SPON1: variants seen among roughly 807,000 people sequenced by gnomAD.
SPON1 encodes spondin-1.
Under a neutral mutation model 111.7 loss-of-function variants are expected in SPON1, and 52 were observed. That is an observed-to-expected ratio of 0.47 (90% confidence interval 0.37 to 0.59). The LOEUF is 0.59. Ranked by LOEUF, SPON1 falls within the 20% of genes least tolerant of loss-of-function variation. The pLI is 0.00. For missense variants in SPON1, 957 were observed against 1,068.5 expected, an observed-to-expected ratio of 0.90 and a Z score of 1.46; for synonymous variants, 410 against 395.8, an observed-to-expected ratio of 1.04 and a Z score of -0.43.
Position 14,255,548 on chromosome 11 carries a change from T to G in SPON1, c.1093-99T>G, listed in dbSNP as rs1222853584. 2.6e-5 allele frequency: 28 copies of G among 1,089,248 alleles called. No individual in the cohort carries two copies. In the Middle Eastern group the frequency reaches 8.4e-4, roughly 33 times the overall value. 67.5% of individuals were successfully genotyped at this position (1,089,248 alleles called of 1,614,324 possible). A position where few individuals can be genotyped will look rare whatever the true frequency, so the allele number is the denominator to read the frequency against. The stretch of plus-strand genomic sequence containing the variant: ...ATAAATAGTAGTTATGCTTGTTAAA[T>G]TCCTATCAAGGACTTTGCTCTGATC... On this transcript the variant is annotated intron_variant, in intron 8 of 15. Coordinates refer to ENST00000576479, the MANE Select transcript of SPON1 (RefSeq NM_006108.4).
rs1442462965 is a variant in SPON1 at position 14,013,073 on chromosome 11, CAT to C, written c.346-28447_346-28446del. ...CTCATCTTCTAAATGTAATTTCACA[CAT>C]GTTACTAAATCACTTTGCTTCAGCC... On this transcript the variant is annotated intron_variant, in intron 2 of 15. Coordinates refer to ENST00000576479, the MANE Select transcript of SPON1 (RefSeq NM_006108.4). Among the ~76,000 whole-genome samples, 12 of 152,302 alleles carry C rather than the reference CAT, an allele frequency of 7.9e-5. No homozygotes were observed. In the South Asian group the frequency reaches 2.1e-3, roughly 26 times the overall value.
intron 7 of SPON1, among the ~76,000 whole-genome samples, chr11:14,248,222 A>T (rs911012707): frequency 4.6e-5 from 7 of 152,176 alleles, no homozygotes; most frequent in Admixed American, 1.3e-4. Context: ...CTGCTGAGTG[A>T]TGAGGGGGAA....
chr11:14,142,934 C>G (rs1404839785), intron 6 of SPON1, among the ~76,000 whole-genome samples: 3 of 152,162 alleles, frequency 2.0e-5, no homozygotes, highest in Non-Finnish European at 2.9e-5. Context: ...TCCACACTGC[C>G]CCCAGTGTCA....
In SPON1 at chr11:14,153,262, G is replaced by A. The variant is rs73424165; in HGVS notation, c.825+17694G>A. Among the ~76,000 whole-genome samples, 1,280 of 152,214 alleles carry A rather than the reference G, an allele frequency of 8.4e-3. 15 individuals carry two copies. Among genetic ancestry groups the A allele is most frequent in the African/African-American group, 0.029 (1,194 of 41,522 alleles). ...TTCCCTTTAGCCCATGTATTAGTCT[G>A]CTCTCACATTGCTATAAAGAACTAC... On this transcript the variant is annotated intron_variant, in intron 6 of 15. Coordinates refer to ENST00000576479, the MANE Select transcript of SPON1 (RefSeq NM_006108.4).
At chr11:14,173,124 G>T (rs1232330958) in intron 6 of SPON1, among the ~76,000 whole-genome samples, 1 of 151,872 alleles carries the variant, frequency 6.6e-6, no homozygotes, top group Non-Finnish European at 1.5e-5. Context: ...TCACTTTCAG[G>T]TACACCAATC....
intron 4 of SPON1, among the ~76,000 whole-genome samples, chr11:14,077,351 G>T (rs1171559396): frequency 1.3e-5 from 2 of 152,028 alleles, no homozygotes; most frequent in African/African-American, 2.4e-5. Flanking sequence ...TAAACAATAG[G>T]TTACTTCCAA....
chr11:14,086,922 G>T (rs992786669), intron 5 of SPON1, among the ~76,000 whole-genome samples: 19 of 152,188 alleles, frequency 1.2e-4, no homozygotes, highest in Non-Finnish European at 2.4e-4. Flanking sequence ...AGATTTTCTA[G>T]TTTATTTGTG....
intron 6 of SPON1, among the ~76,000 whole-genome samples, chr11:14,209,270 T>G (rs1228888824): frequency 2.0e-5 from 3 of 152,172 alleles, no homozygotes; most frequent in African/African-American, 7.2e-5. Context: ...AAAAATAATT[T>G]TTTTATTATA....
intron 6 of SPON1, among the ~76,000 whole-genome samples, chr11:14,229,498 A>G (rs1038291050): frequency 6.6e-6 from 1 of 152,120 alleles, no homozygotes; most frequent in Non-Finnish European, 1.5e-5. Flanking sequence ...CGGAGTGGAG[A>G]GCCTGCCAGT....
rs61883787 is a variant in SPON1 at position 14,119,244 on chromosome 11, G to A, written c.677-16176G>A. On this transcript the variant is annotated intron_variant, in intron 5 of 15. Transcript: ENST00000576479. The stretch of plus-strand genomic sequence containing the variant: ...CTGAGGCAAGGACTGCAGGTACTTC[G>A]TGTAGAAGGTGATAGAGGAAGCAGA... 7.5e-3 allele frequency among the ~76,000 whole-genome samples: 1,148 copies of A among 152,232 alleles called. 2 individuals are homozygous for A. Among genetic ancestry groups the A allele is most frequent in the Non-Finnish European group, 0.013 (892 of 68,002 alleles).
At chr11:13,966,694 T>A (rs1848020164) in intron 1 of SPON1, among the ~76,000 whole-genome samples, 1 of 152,186 alleles carries the variant, frequency 6.6e-6, no homozygotes, top group South Asian at 2.1e-4. Context: ...AGACACACAC[T>A]GACCACAGGG....
intron 6 of SPON1, among the ~76,000 whole-genome samples, chr11:14,203,717 G>A (rs973171877): frequency 6.6e-6 from 1 of 152,162 alleles, no homozygotes. Flanking sequence ...GAGGGTTTGG[G>A]GAGAGGATGA....
intron 6 of SPON1, among the ~76,000 whole-genome samples, chr11:14,161,568 C>T (rs1308727056): frequency 6.6e-6 from 1 of 151,706 alleles, no homozygotes; most frequent in Non-Finnish European, 1.5e-5. Context: ...ATCCACCCAC[C>T]TCGGCCTCCC....
chr11:14,109,397 A>ACTAAATTT (rs2133848029), intron 5 of SPON1, among the ~76,000 whole-genome samples: 2 of 152,320 alleles, frequency 1.3e-5, no homozygotes, highest in African/African-American at 4.8e-5. Context: ...AAGGATTAAG[A>ACTAAATTT]CTAAATTTTT....
At position 14,160,879 on chromosome 11, in the gene SPON1, T is replaced by A. The variant is rs868982531; in HGVS notation, c.825+25311T>A. ...TATATATTTATATATTTTTATATTTTTATATATTTATATATATTTATATAT... is the reference window on the plus strand; with the variant it reads ...TATATATTTATATATTTTTATATTTATATATATTTATATATATTTATATAT... On this transcript the variant is annotated intron_variant, in intron 6 of 15. Coordinates refer to ENST00000576479, the MANE Select transcript of SPON1 (RefSeq NM_006108.4). Among the ~76,000 whole-genome samples, 11 of 23,276 alleles carry A rather than the reference T, an allele frequency of 4.7e-4. 3 individuals are homozygous for A. Among genetic ancestry groups the A allele is most frequent in the African/African-American group, 1.5e-4 (1 of 6,632 alleles). 15.3% of individuals were successfully genotyped at this position (23,276 alleles called of 152,430 possible). A position where few individuals can be genotyped will look rare whatever the true frequency, so the allele number is the denominator to read the frequency against.
intron 6 of SPON1, among the ~76,000 whole-genome samples, chr11:14,175,557 T>G (rs1554933002): frequency 6.6e-6 from 1 of 152,132 alleles, no homozygotes; most frequent in East Asian, 1.9e-4. Flanking sequence ...GTACACCAGA[T>G]TTGCTACAGC....
chr11:13,999,043 T>C (rs1772110400), intron 2 of SPON1, among the ~76,000 whole-genome samples: 1 of 152,170 alleles, frequency 6.6e-6, no homozygotes, highest in Non-Finnish European at 1.5e-5. Flanking sequence ...GGATAGCTCT[T>C]AATTCTGGTT....
intron 7 of SPON1, among the ~76,000 whole-genome samples, chr11:14,244,328 G>A (rs1490242066): frequency 6.6e-6 from 1 of 152,142 alleles, no homozygotes. Flanking sequence ...GACCATGCTG[G>A]CCAACATGGT....
At chr11:14,158,883 G>T (rs1021819428) in intron 6 of SPON1, among the ~76,000 whole-genome samples, 1 of 152,004 alleles carries the variant, frequency 6.6e-6, no homozygotes, top group Non-Finnish European at 1.5e-5. Context: ...TCTGATTTGT[G>T]TCTCTAACCC....
Sources: gnomAD v4.1 joint callset for allele counts (sites outside exome capture counted in the v4.1 genomes callset) on GRCh38, gnomAD v4.1.1 for gene constraint, MANE v1.5 for transcripts, NCBI Gene and HGNC (gene_info 2026-07-23, HGNC 2026-07-21) for gene names.